The following DLGAP1 variants were observed in gnomAD, a reference collection of about 807,000 sequenced individuals.
DLGAP1 encodes the protein DLG associated protein 1, also known as disks large-associated protein 1.
DLGAP1 carries 11 observed loss-of-function variants against 90.8 expected under a neutral mutation model. The ratio of observed to expected loss-of-function variants is 0.12; its 90% CI spans 0.08 to 0.20. The LOEUF (loss-of-function observed/expected upper bound fraction) is 0.20. Ranked by LOEUF, DLGAP1 falls within the 10% of genes least tolerant of loss-of-function variation. DLGAP1 has a pLI of 1.00. For synonymous variants in DLGAP1, 558 were observed against 540.7 expected (o/e 1.03, Z -0.44); for missense variants, 1,050 against 1,333.8 (o/e 0.79, Z 3.31).
At chr18:3,967,302 G>A (rs191890508) in intron 3 of DLGAP1, among the ~76,000 whole-genome samples, 34 of 152,342 alleles carry the variant, frequency 2.2e-4, no homozygotes, top group Admixed American at 1.8e-3. Flanking sequence ...CAAGGAATGA[G>A]AAATAGATTA....
chr18:3,652,404 T>C lies in DLGAP1; in HGVS notation c.1592-70156A>G, dbSNP rs140116432. On this transcript the variant is annotated intron_variant, in intron 7 of 12. Coordinates refer to ENST00000315677, the MANE Select transcript of DLGAP1 (RefSeq NM_004746.4). ...GTGCAGTGGCGCAGTCATAGCTCAC[T>C]GTAGCCTCAAACTCTTGAGCTCAAC... Among the ~76,000 whole-genome samples, 40 of 152,266 alleles carry C rather than the reference T, an allele frequency of 2.6e-4. 2 individuals carry two copies. The East Asian group carries it at 7.5e-3, about 29-fold the overall frequency.
At chr18:4,024,078 T>C (rs1248060081) in intron 2 of DLGAP1, among the ~76,000 whole-genome samples, 1 of 152,242 alleles carries the variant, frequency 6.6e-6, no homozygotes, top group East Asian at 1.9e-4. Context: ...TGAAAAATTA[T>C]TAAATCTAAT....
intron 7 of DLGAP1, among the ~76,000 whole-genome samples, chr18:3,673,027 G>A (rs866023465): frequency 6.6e-6 from 1 of 152,160 alleles, no homozygotes; most frequent in Non-Finnish European, 1.5e-5. Flanking sequence ...CTAAGACACC[G>A]ATTACTTCCT....
At chr18:4,233,559 T>C (rs1401088820) in intron 1 of DLGAP1, among the ~76,000 whole-genome samples, 2 of 152,158 alleles carry the variant, frequency 1.3e-5, no homozygotes, top group African/African-American at 4.8e-5. Flanking sequence ...GGTTACGATG[T>C]TGTATGCTGG....
intron 7 of DLGAP1, among the ~76,000 whole-genome samples, chr18:3,690,008 C>T (rs974697652): frequency 8.0e-6 from 1 of 124,540 alleles, no homozygotes; most frequent in Non-Finnish European, 1.7e-5. Flanking sequence ...CCCCTTGATT[C>T]CCATTTTTTT....
At chr18:4,288,006 G>T (rs1254010077) in intron 1 of DLGAP1, among the ~76,000 whole-genome samples, 1 of 152,086 alleles carries the variant, frequency 6.6e-6, no homozygotes, top group Non-Finnish European at 1.5e-5. Flanking sequence ...CTTGTGTTAA[G>T]AATTAAGGCA....
intron 3 of DLGAP1, among the ~76,000 whole-genome samples, chr18:3,938,855 A>C (rs1220134310): frequency 2.0e-5 from 3 of 152,160 alleles, no homozygotes; most frequent in Admixed American, 1.3e-4. Flanking sequence ...AGTGGACAAG[A>C]CTGGAAACAA....
intron 7 of DLGAP1, among the ~76,000 whole-genome samples, chr18:3,699,136 T>C (rs1302565865): frequency 6.6e-6 from 1 of 152,182 alleles, no homozygotes; most frequent in Non-Finnish European, 1.5e-5. Context: ...TTCTGAAGCC[T>C]ACTTCCATCA....
intron 9 of DLGAP1, among the ~76,000 whole-genome samples, chr18:3,539,004 A>G (rs878932351): frequency 1.3e-5 from 2 of 152,236 alleles, no homozygotes; most frequent in Admixed American, 1.3e-4. Flanking sequence ...TAAAATTAAA[A>G]TGGTTTGGGA....
In DLGAP1 at chr18:4,219,156, T is replaced by G. The variant is rs1027315405; in HGVS notation, c.-266-67869A>C. On this transcript the variant is annotated intron_variant, in intron 1 of 12. Transcript: ENST00000315677. ...GTCAACATGTTATCTTTTGTCTTTT[T>G]GTTAATAGCCATTCTTACAGGTATA... 2.0e-4 allele frequency among the ~76,000 whole-genome samples: 30 copies of G among 151,836 alleles called. 1 individual carries two copies. The highest frequency in any genetic ancestry group is 5.9e-4 in the Admixed American group (9 of 15,222).
chr18:4,303,394 T>C (rs1212238561), intron 1 of DLGAP1, among the ~76,000 whole-genome samples: 1 of 152,192 alleles, frequency 6.6e-6, no homozygotes, highest in African/African-American at 2.4e-5. Context: ...ATCTCTCTTG[T>C]GTGCTGTAGC....
chr18:4,200,328 C>T (rs9960892), intron 1 of DLGAP1, among the ~76,000 whole-genome samples: 12,427 of 151,722 alleles, frequency 0.082, 1,452 homozygotes, highest in African/African-American at 0.26. Flanking sequence ...GTAAGTCTTA[C>T]TAAAATGATT....
chr18:4,226,199 A>C (rs2078183729), intron 1 of DLGAP1, among the ~76,000 whole-genome samples: 1 of 152,146 alleles, frequency 6.6e-6, no homozygotes, highest in Admixed American at 6.6e-5. Flanking sequence ...TATCCAGCAA[A>C]AATATTCTTT....
intron 1 of DLGAP1, among the ~76,000 whole-genome samples, chr18:4,209,069 G>A (rs2077785745): frequency 6.6e-6 from 1 of 152,188 alleles, no homozygotes; most frequent in Admixed American, 6.5e-5. Context: ...TTAAAAAGAA[G>A]GGAGGGAGGG....
intron 4 of DLGAP1, among the ~76,000 whole-genome samples, chr18:3,851,234 T>C (rs1353063137): frequency 2.0e-5 from 3 of 152,150 alleles, no homozygotes; most frequent in Admixed American, 6.5e-5. Context: ...CAGAAAAGAC[T>C]GAAATTTACG....
chr18:4,449,201 T>C (rs2083752421), intron 1 of DLGAP1, among the ~76,000 whole-genome samples: 1 of 152,176 alleles, frequency 6.6e-6, no homozygotes, highest in Non-Finnish European at 1.5e-5. Flanking sequence ...AGTAAGACAA[T>C]TAATCTACTA....
chr18:3,969,886 T>C (rs2073409089), intron 3 of DLGAP1, among the ~76,000 whole-genome samples: 1 of 152,196 alleles, frequency 6.6e-6, no homozygotes, highest in Admixed American at 6.5e-5. Context: ...AGGAAAAGAC[T>C]CTAGGATTAA....
intron 3 of DLGAP1, chr18:3,885,486 T>C (rs1380388943): frequency 6.6e-6 from 1 of 152,210 alleles, no homozygotes; most frequent in Admixed American, 6.5e-5. Flanking sequence ...TAAATAACAA[T>C]TCTCATTCTT....
At chr18:4,438,170 C>T (rs1289797240) in intron 1 of DLGAP1, among the ~76,000 whole-genome samples, 9 of 152,134 alleles carry the variant, frequency 5.9e-5, no homozygotes, top group Admixed American at 5.9e-4. Context: ...CTTATTATGA[C>T]ATATTGCCAA....
Sources: allele counts gnomAD v4.1 joint callset (sites outside exome capture counted in the v4.1 genomes callset), GRCh38; gene constraint gnomAD v4.1.1; transcripts MANE v1.5; gene names NCBI Gene and HGNC (gene_info 2026-07-23, HGNC 2026-07-21).